The following LPP variants were observed in gnomAD, a reference collection of about 807,000 sequenced individuals.
The protein encoded by LPP is LIM domain containing preferred translocation partner in lipoma.
Under a neutral mutation model 60.4 loss-of-function variants are expected in LPP, and 38 were observed. That is an observed-to-expected ratio of 0.63 (90% confidence interval 0.49 to 0.83). LPP has a LOEUF of 0.83. Ranked by LOEUF, LPP falls within the 40% of genes least tolerant of loss-of-function variation. LPP has a pLI of 0.00. For synonymous variants in LPP, 328 were observed against 290.8 expected (o/e 1.13, Z -1.30); for missense variants, 902 against 783.6 (o/e 1.15, Z -1.80).
At chr3:188,378,903 T>TGGAA (rs1405548830) in intron 3 of LPP, among the ~76,000 whole-genome samples, 1 of 152,178 alleles carries the variant, frequency 6.6e-6, no homozygotes, top group African/African-American at 2.4e-5. Flanking sequence ...ATGTATTTCT[T>TGGAA]TGTTTATTGA....
intron 2 of LPP, among the ~76,000 whole-genome samples, chr3:188,247,905 A>G (rs1727586373): frequency 6.6e-6 from 1 of 152,284 alleles, no homozygotes; most frequent in East Asian, 1.9e-4. Flanking sequence ...AAGAGTTTAA[A>G]ATATTCTAGC....
At chr3:188,662,365 G>C (rs1474226157) in intron 7 of LPP, among the ~76,000 whole-genome samples, 1 of 152,166 alleles carries the variant, frequency 6.6e-6, no homozygotes, top group Non-Finnish European at 1.5e-5. Flanking sequence ...GAGAGTCAGA[G>C]GTCCCATAGA....
At chr3:188,829,782 T>C (rs1382299632) in intron 9 of LPP, among the ~76,000 whole-genome samples, 1 of 152,196 alleles carries the variant, frequency 6.6e-6, no homozygotes, top group Non-Finnish European at 1.5e-5. Context: ...TTACTCACCA[T>C]GTGACCCTGA....
At chr3:188,582,114 G>A (rs6444305) in intron 6 of LPP, among the ~76,000 whole-genome samples, 100,843 of 149,230 alleles carry the variant, frequency 0.68, 34,531 homozygotes, top group East Asian at 0.87. Context: ...GTGGCTCTTC[G>A]TCTCCCTCTC....
At chr3:188,584,238 A>G (rs1175660781) in intron 6 of LPP, 3 of 152,154 alleles carry the variant, frequency 2.0e-5, no homozygotes, top group Non-Finnish European at 2.9e-5. Flanking sequence ...AAAGTTCACA[A>G]TTTTTAAAAG....
At chr3:188,416,706 G>C (rs1379861502) in intron 4 of LPP, among the ~76,000 whole-genome samples, 1 of 152,096 alleles carries the variant, frequency 6.6e-6, no homozygotes, top group Non-Finnish European at 1.5e-5. Context: ...TGCATATGTT[G>C]TCCTGGGTCA....
At chr3:188,569,764 A>C (rs1833083412) in intron 6 of LPP, among the ~76,000 whole-genome samples, 1 of 152,058 alleles carries the variant, frequency 6.6e-6, no homozygotes, top group African/African-American at 2.4e-5. Context: ...TGAATTGGCC[A>C]CTAAAGGCAC....
At chr3:188,233,971 A>T (rs923016658) in intron 2 of LPP, among the ~76,000 whole-genome samples, 1 of 151,822 alleles carries the variant, frequency 6.6e-6, no homozygotes, top group Admixed American at 6.6e-5. Flanking sequence ...TGGAATGCTC[A>T]CCCCAATCCT....
chr3:188,607,926 A>G (rs982993715), intron 6 of LPP, among the ~76,000 whole-genome samples: 1 of 152,164 alleles, frequency 6.6e-6, no homozygotes, highest in African/African-American at 2.4e-5. Context: ...GTCTGTAGCA[A>G]TCCTTTTTTT....
intron 6 of LPP, among the ~76,000 whole-genome samples, chr3:188,542,517 C>G (rs1825485802): frequency 6.6e-6 from 1 of 152,152 alleles, no homozygotes; most frequent in Admixed American, 6.6e-5. Context: ...TTTCTAGTCT[C>G]TTGCTTTTTA....
At chr3:188,586,211 G>A (rs1336459496) in intron 6 of LPP, among the ~76,000 whole-genome samples, 1 of 152,108 alleles carries the variant, frequency 6.6e-6, no homozygotes, top group Admixed American at 6.6e-5. Context: ...TTTTTCAGGT[G>A]GAAACATATT....
At chr3:188,408,995 C>T (rs892400199) in intron 4 of LPP, among the ~76,000 whole-genome samples, 7 of 152,152 alleles carry the variant, frequency 4.6e-5, no homozygotes, top group Non-Finnish European at 2.9e-5. Context: ...TGGTTTCTCA[C>T]TCGTCCTTAT....
At chr3:188,864,332 CAA>C (rs1766043154) in intron 9 of LPP, among the ~76,000 whole-genome samples, 1 of 152,108 alleles carries the variant, frequency 6.6e-6, no homozygotes, top group African/African-American at 2.4e-5. Flanking sequence ...GGGATATAAA[CAA>C]TATTCATTCG....
chr3:188,177,482 G>C (rs1009987466), intron 1 of LPP, among the ~76,000 whole-genome samples: 5 of 152,110 alleles, frequency 3.3e-5, no homozygotes, highest in Non-Finnish European at 5.9e-5. Context: ...CTTGATTTCT[G>C]CCTTTATTTA....
Position 188,352,639 on chromosome 3 carries a change from A to G in LPP, c.-10+10920A>G, listed in dbSNP as rs532660921. Among the ~76,000 whole-genome samples, 34 of 152,326 alleles carry G rather than the reference A, an allele frequency of 2.2e-4. 1 individual carries two copies. The South Asian group carries it at 6.8e-3, about 31-fold the overall frequency. On this transcript the variant is annotated intron_variant, in intron 3 of 11. Coordinates refer to ENST00000617246, the MANE Select transcript of LPP (RefSeq NM_001375462.1). The surrounding 1 kb of genome is among the most constrained non-coding windows in gnomAD (Gnocchi z 4.4). ...GGAGGTGACTTGCTCAAGGCCACAGAGTGCATAGAGAGAAGGCTGGGAGAG... is the reference window on the plus strand; with the variant it reads ...GGAGGTGACTTGCTCAAGGCCACAGGGTGCATAGAGAGAAGGCTGGGAGAG...
At position 188,839,771 on chromosome 3, in the gene LPP, A is replaced by AG. The variant is rs932420255; in HGVS notation, c.1411-26427dup. Among the ~76,000 whole-genome samples the AG allele has an allele frequency of 1.3e-3, 200 of 152,178 alleles. 1 individual carries two copies. Among genetic ancestry groups the AG allele is most frequent in the Non-Finnish European group, 1.9e-4 (13 of 67,986 alleles). On this transcript the variant is annotated intron_variant, in intron 9 of 11. Transcript: ENST00000617246. The stretch of plus-strand genomic sequence containing the variant: ...TGGGCGCCTGTAATCTCAGCTACTC[A>AG]GGAGGCTGAGGGAGGAGAATCCCTT...
rs115797890 is a variant in LPP, at chr3:188,643,569, C to T, written c.1113+33725C>T. 3.4e-3 allele frequency among the ~76,000 whole-genome samples: 522 copies of T among 152,200 alleles called. 2 individuals are homozygous for T. The highest frequency in any genetic ancestry group is 0.012 in the African/African-American group (497 of 41,518). Reference sequence around the variant, plus strand: ...TAGTTGTGGATTCCTTCAAATGAAACAAAATTTTTCTGGACGCCTTTTTAG... The same window carrying T: ...TAGTTGTGGATTCCTTCAAATGAAATAAAATTTTTCTGGACGCCTTTTTAG... On this transcript the variant is annotated intron_variant, in intron 7 of 11. Coordinates refer to ENST00000617246, the MANE Select transcript of LPP (RefSeq NM_001375462.1).
At chr3:188,869,239 G>A (rs1184572130) in intron 10 of LPP, among the ~76,000 whole-genome samples, 2 of 152,146 alleles carry the variant, frequency 1.3e-5, no homozygotes, top group East Asian at 1.9e-4. Context: ...AGACCCATAA[G>A]AAGGGATTTA....
intron 2 of LPP, among the ~76,000 whole-genome samples, chr3:188,298,240 A>T (rs1414419935): frequency 6.6e-6 from 1 of 152,022 alleles, no homozygotes; most frequent in Non-Finnish European, 1.5e-5. Flanking sequence ...GACAGATCAC[A>T]CTTCTCTTTT....
Sources: allele counts gnomAD v4.1 joint callset (sites outside exome capture counted in the v4.1 genomes callset), GRCh38; gene constraint gnomAD v4.1.1; non-coding constraint Gnocchi (gnomAD v3.1); transcripts MANE v1.5; gene names NCBI Gene and HGNC (gene_info 2026-07-23, HGNC 2026-07-21).